The following FRMD3 variants were observed in gnomAD, a reference collection of about 807,000 sequenced individuals.
FRMD3 encodes the protein FERM domain-containing protein 3.
Under a neutral mutation model 70.2 loss-of-function variants are expected in FRMD3, and 33 were observed. The ratio of observed to expected loss-of-function variants is 0.47; its 90% CI spans 0.36 to 0.63. FRMD3 has a LOEUF of 0.63. Among genes scored for constraint, FRMD3 ranks in the 20% least tolerant of loss-of-function variants. The pLI is 0.00. For missense variants in FRMD3, 632 were observed against 711.4 expected, an observed-to-expected ratio of 0.89 and a Z score of 1.27; for synonymous variants, 279 against 255.9, an observed-to-expected ratio of 1.09 and a Z score of -0.86.
chr9:83,416,139 G>A (rs1295874589), intron 1 of FRMD3, among the ~76,000 whole-genome samples: 2 of 152,146 alleles, frequency 1.3e-5, no homozygotes, highest in African/African-American at 4.8e-5. Flanking sequence ...CACTTCCAGA[G>A]CTGCCCTGCC....
Position 83,436,458 on chromosome 9 carries a change from A to ATGTGTG in FRMD3, c.148-46756_148-46751dup, listed in dbSNP as rs148417744. 5.8e-3 allele frequency among the ~76,000 whole-genome samples: 834 copies of ATGTGTG among 144,656 alleles called. 6 individuals carry two copies. Among genetic ancestry groups the ATGTGTG allele is most frequent in the African/African-American group, 0.019 (756 of 38,820 alleles). The allele number at this position is 144,656 out of a possible 152,430, so 94.9% of individuals were successfully genotyped here. A position where few individuals can be genotyped will look rare whatever the true frequency, so the allele number is the denominator to read the frequency against. ...CCTTTGCCAAATTTTAATTAATAAG[A>ATGTGTG]TGTGTGTGTGTGTGTGTGTGTGTGT... On this transcript the variant is annotated intron_variant, in intron 1 of 13. Transcript: ENST00000304195.
intron 1 of FRMD3, among the ~76,000 whole-genome samples, chr9:83,476,737 CA>C (rs1171797516): frequency 6.6e-6 from 1 of 152,214 alleles, no homozygotes; most frequent in Non-Finnish European, 1.5e-5. Context: ...GAGTGAGCAT[CA>C]GAACATAACA....
At chr9:83,457,781 G>A (rs1827859394) in intron 1 of FRMD3, among the ~76,000 whole-genome samples, 1 of 151,998 alleles carries the variant, frequency 6.6e-6, no homozygotes, top group Non-Finnish European at 1.5e-5. Context: ...CCTAAGACCT[G>A]ATCTTGAGTG....
At chr9:83,267,137 A>C (rs1403149794) in intron 13 of FRMD3, 1 of 1,550,664 alleles carries the variant, frequency 6.4e-7, no homozygotes, top group East Asian at 2.4e-5. Flanking sequence ...GCATTTTGCC[A>C]TACTGGTTAT....
upstream of FRMD3, chr9:83,538,518 C>A: frequency 3.6e-6 from 1 of 281,150 alleles, no homozygotes. The surrounding 1 kb of genome is among the most constrained non-coding windows in gnomAD (Gnocchi z 4.7). Flanking sequence ...CGAGGACGCC[C>A]AGAGCCTGAG....
intron 13 of FRMD3, among the ~76,000 whole-genome samples, chr9:83,280,900 C>T (rs897703409): frequency 6.6e-6 from 1 of 152,178 alleles, no homozygotes; most frequent in African/African-American, 2.4e-5. Flanking sequence ...ATCTGCCAAA[C>T]CAGGAAGGAG....
At chr9:83,550,966 A>C in the FRMD3 span, among the ~76,000 whole-genome samples, 1 of 151,984 alleles carries the variant, frequency 6.6e-6, no homozygotes. Flanking sequence ...TACACCCTTT[A>C]TTTCTTTCTC....
intron 1 of FRMD3, among the ~76,000 whole-genome samples, chr9:83,499,910 G>T (rs954536595): frequency 2.0e-5 from 3 of 152,120 alleles, no homozygotes; most frequent in African/African-American, 7.2e-5. Flanking sequence ...ATGGAATATT[G>T]TTCAGCAATA....
At position 83,515,141 on chromosome 9, in the gene FRMD3, T is replaced by G. The variant is rs146317148; in HGVS notation, c.147+22944A>C. On this transcript the variant is annotated intron_variant, in intron 1 of 13. Transcript: ENST00000304195. ...TTTGACAAATTGACAGAAGTAGGCT[T>G]CAGAAGGTGGTGAGTAATAACAAAC... 5.7e-3 allele frequency among the ~76,000 whole-genome samples: 872 copies of G among 152,302 alleles called. 7 individuals carry two copies. Among genetic ancestry groups the G allele is most frequent in the African/African-American group, 0.02 (832 of 41,566 alleles).
At chr9:83,570,855 C>A in the FRMD3 span, among the ~76,000 whole-genome samples, 1 of 152,024 alleles carries the variant, frequency 6.6e-6, no homozygotes, top group Non-Finnish European at 1.5e-5. Flanking sequence ...GTGGTTTGGA[C>A]CTGGGTAGCA....
the FRMD3 span, among the ~76,000 whole-genome samples, chr9:83,545,753 G>T: frequency 3.9e-5 from 6 of 152,098 alleles, no homozygotes; most frequent in Admixed American, 6.5e-5. Context: ...GGGAGAAGAA[G>T]AAAAATTTAA....
At chr9:83,443,147 T>G (rs577688347) in intron 1 of FRMD3, among the ~76,000 whole-genome samples, 1 of 152,324 alleles carries the variant, frequency 6.6e-6, no homozygotes, top group East Asian at 1.9e-4. Context: ...GAGAGTATGT[T>G]TCTTTTTTTA....
rs751518492 is a variant in FRMD3, at chr9:83,343,184, A to G, written c.472+6T>C. 6.2e-7 allele frequency: 1 copy of G among 1,605,794 alleles called. No individual in the cohort carries two copies. Among genetic ancestry groups the G allele is most frequent in the Admixed American group, 1.7e-5 (1 of 59,980 alleles). ...GGTGGCGTGGGTGAGCTGTGGCCAG[A>G]CTTACCTTGAACAATACAGGCACCC... On this transcript the variant is annotated splice_donor_region_variant and intron_variant, in intron 5 of 13. Coordinates refer to ENST00000304195, the MANE Select transcript of FRMD3 (RefSeq NM_174938.6).
Position 83,246,039 on chromosome 9 carries a change from G to T in FRMD3, c.*1879C>A. On this transcript the variant is annotated 3_prime_UTR_variant, in exon 14 of 14. Transcript: ENST00000304195. ...CTTAATGGCAAATATATAGTCATTT[G>T]CTCGACTGCAGGCTTCACGAACTGA... 1.0e-6 allele frequency: 1 copy of T among 985,376 alleles called. No homozygotes were observed. The highest frequency in any genetic ancestry group is 4.7e-5 in the South Asian group (1 of 21,288). The allele number at this position is 985,376 out of a possible 1,614,324, so 61.0% of individuals were successfully genotyped here.
rs373539009 is a variant in FRMD3, at chr9:83,290,773, G to C, written c.1071-46C>G. 176 of 1,558,214 alleles carry C rather than the reference G, an allele frequency of 1.1e-4. 1 individual carries two copies. In the South Asian group the frequency reaches 2.1e-3, roughly 19 times the overall value. ...GACAGAGTTGGTTTCCATCACAAAT[G>C]CTGGCCCCTCCATCTCAGCGGGCTG... On this transcript the variant is annotated intron_variant, in intron 12 of 13. Coordinates refer to ENST00000304195, the MANE Select transcript of FRMD3 (RefSeq NM_174938.6).
the FRMD3 span, among the ~76,000 whole-genome samples, chr9:83,575,406 A>G: frequency 6.6e-6 from 1 of 152,084 alleles, no homozygotes; most frequent in Non-Finnish European, 1.5e-5. Flanking sequence ...GTGGCTTCTG[A>G]GAGCTTCTGA....
intron 1 of FRMD3, among the ~76,000 whole-genome samples, chr9:83,495,200 G>A (rs934222847): frequency 1.3e-5 from 2 of 152,132 alleles, no homozygotes; most frequent in African/African-American, 4.8e-5. Flanking sequence ...AGAGTTGGGG[G>A]ACAAAGAGGG....
intron 1 of FRMD3, among the ~76,000 whole-genome samples, chr9:83,497,964 A>G (rs1432424157): frequency 6.6e-6 from 1 of 152,208 alleles, no homozygotes; most frequent in Non-Finnish European, 1.5e-5. Flanking sequence ...CCTGGTCAAC[A>G]TGGTGAAACT....
chr9:83,566,289 G>C, the FRMD3 span, among the ~76,000 whole-genome samples: 3 of 152,134 alleles, frequency 2.0e-5, no homozygotes, highest in Non-Finnish European at 4.4e-5. Context: ...AGAATAGCAT[G>C]GGAAAGACCA....
Sources: gnomAD v4.1 joint callset for allele counts (sites outside exome capture counted in the v4.1 genomes callset) on GRCh38, gnomAD v4.1.1 for gene constraint, Gnocchi (gnomAD v3.1) non-coding constraint, MANE v1.5 for transcripts, NCBI Gene and HGNC (gene_info 2026-07-23, HGNC 2026-07-21) for gene names.